Variants in PCBP3 observed in about 807,000 individuals in gnomAD.
PCBP3 encodes the protein poly(rC)-binding protein 3.
PCBP3 carries 25 observed loss-of-function variants against 52.7 expected under a neutral mutation model. That is an observed-to-expected ratio of 0.47 (90% CI 0.35 to 0.66). The LOEUF is 0.66. PCBP3 is among the 30% of genes least tolerant of loss of function. The pLI is 0.01. For synonymous variants in PCBP3, 162 were observed against 183.0 expected (o/e 0.89, Z 0.93); for missense variants, 391 against 490.3 (o/e 0.80, Z 1.91).
chr21:45,826,394 G>A (rs1487375072), intron 4 of PCBP3, among the ~76,000 whole-genome samples: 1 of 152,140 alleles, frequency 6.6e-6, no homozygotes, highest in Non-Finnish European at 1.5e-5. Context: ...TCCACATAAC[G>A]CAGGTGAATG....
intron 4 of PCBP3, among the ~76,000 whole-genome samples, chr21:45,815,818 G>C (rs2092918739): frequency 8.6e-6 from 1 of 115,676 alleles, no homozygotes; most frequent in Admixed American, 8.0e-5. Context: ...TGGTGAGTGA[G>C]TGGTGAGTGG....
chr21:45,764,382 A>G (rs2089074797), intron 4 of PCBP3, among the ~76,000 whole-genome samples: 1 of 152,200 alleles, frequency 6.6e-6, no homozygotes, highest in Non-Finnish European at 1.5e-5. Flanking sequence ...TCCGCCTCCC[A>G]AAGTGCTGGG....
Position 45,917,595 on chromosome 21 carries a change from C to G in PCBP3, c.683C>G (p.Thr228Arg). Residue 228 changes from threonine to arginine, a missense_variant, in exon 13 of 18, where the codon ACA becomes AGA. Thr to Arg is a moderately conservative substitution (Grantham distance 71). Coordinates refer to ENST00000681687, the MANE Select transcript of PCBP3 (RefSeq NM_001384156.1). The surrounding 1 kb of genome is among the most constrained non-coding windows in gnomAD (Gnocchi z 5.3). Reference sequence around the variant, plus strand: ...GTCTCTCTCTCTCTCTAGGCCTACACAATCCAGGGACAGTATGCCATCCCT... The same window carrying G: ...GTCTCTCTCTCTCTCTAGGCCTACAGAATCCAGGGACAGTATGCCATCCCT... ...PVIFAGGQAY[T>R]IQGQYAIPHP... 6.2e-7 allele frequency: 1 copy of G among 1,613,338 alleles called. No homozygotes were observed. The highest frequency in any genetic ancestry group is 8.5e-7 in the Non-Finnish European group (1 of 1,179,472).
At chr21:45,705,369 T>C (rs554426258) in intron 2 of PCBP3, among the ~76,000 whole-genome samples, 1 of 152,324 alleles carries the variant, frequency 6.6e-6, no homozygotes, top group East Asian at 1.9e-4. Flanking sequence ...AGACTGGAGA[T>C]GTGGGCACAG....
intron 2 of PCBP3, among the ~76,000 whole-genome samples, chr21:45,703,178 A>G (rs540300214): frequency 8.6e-4 from 131 of 152,384 alleles, no homozygotes; most frequent in African/African-American, 3.0e-3. Context: ...GTTGGAATCA[A>G]CTTCTTCCAA....
Position 45,917,118 on chromosome 21 carries a change from A to G in PCBP3, c.676-470A>G, listed in dbSNP as rs4819168. The G allele has an allele frequency of 0.47, 73,406 of 156,698 alleles. 19,367 individuals carry two copies. The highest frequency in any genetic ancestry group is 0.73 in the African/African-American group (30,202 of 41,490). 9.7% of individuals were successfully genotyped at this position (156,698 alleles called of 1,614,324 possible). A position where few individuals can be genotyped will look rare whatever the true frequency, so the allele number is the denominator to read the frequency against. On this transcript the variant is annotated intron_variant, in intron 12 of 17. Coordinates refer to ENST00000681687, the MANE Select transcript of PCBP3 (RefSeq NM_001384156.1). The surrounding 1 kb of genome is among the most constrained non-coding windows in gnomAD (Gnocchi z 5.3). ...AGCAAGCTGTGACTGACGTAGACCCACTTCCTACGTAGACTGGCTTTTGGT... is the reference window on the plus strand; with the variant it reads ...AGCAAGCTGTGACTGACGTAGACCCGCTTCCTACGTAGACTGGCTTTTGGT...
At chr21:45,936,001 G>A (rs1240162678) in intron 16 of PCBP3, among the ~76,000 whole-genome samples, 1 of 152,362 alleles carries the variant, frequency 6.6e-6, no homozygotes. Flanking sequence ...CAGAGTCCCT[G>A]TGTGGGCTGT....
chr21:45,665,326 T>G (rs1300519048), intron 1 of PCBP3, among the ~76,000 whole-genome samples: 1 of 152,108 alleles, frequency 6.6e-6, no homozygotes, highest in Non-Finnish European at 1.5e-5. Flanking sequence ...GAGAATCACT[T>G]GAGCTCAGGA....
chr21:45,669,803 G>GTATACA (rs1394969213), intron 2 of PCBP3, among the ~76,000 whole-genome samples: 69 of 54,382 alleles, frequency 1.3e-3, no homozygotes, highest in Admixed American at 2.8e-3. Context: ...GTGTGTGTGT[G>GTATACA]TGTATATATA....
intron 2 of PCBP3, among the ~76,000 whole-genome samples, chr21:45,693,997 A>G (rs1218614046): frequency 1.3e-5 from 2 of 152,174 alleles, no homozygotes; most frequent in African/African-American, 4.8e-5. Flanking sequence ...CTCTTCTGAG[A>G]TTTTTAAAGC....
rs1048389648 is a variant in PCBP3, at chr21:45,864,621, G to A, written c.10+14526G>A. ...GTTTGCAGTGTCTGTGTGGTGTGTC[G>A]ACCATCGCTGCCATGTTTAGTCACA... is the stretch of plus-strand genomic sequence containing the variant. On this transcript the variant is annotated intron_variant, in intron 5 of 17. Coordinates refer to ENST00000681687, the MANE Select transcript of PCBP3 (RefSeq NM_001384156.1). Among the ~76,000 whole-genome samples the A allele has an allele frequency of 4.6e-5, 7 of 152,254 alleles. No individual in the cohort carries two copies. The South Asian group carries it at 1.2e-3, about 27-fold the overall frequency.
In PCBP3 at chr21:45,649,493, TC is replaced by T. The variant is rs1371951332; in HGVS notation, c.-279+5626del. 7.2e-5 allele frequency among the ~76,000 whole-genome samples: 11 copies of T among 152,364 alleles called. No homozygotes were observed. The East Asian group carries it at 1.9e-3, about 27-fold the overall frequency. On this transcript the variant is annotated intron_variant, in intron 1 of 17. Transcript: ENST00000681687. Reference sequence around the variant, plus strand: ...ATCCAATTTTAAATTTTTTCCAAATTCATAACCAATTGTACCAGTATTGTTT... The same window carrying T: ...ATCCAATTTTAAATTTTTTCCAAATTATAACCAATTGTACCAGTATTGTTT...
In PCBP3 at chr21:45,904,141, G is replaced by A. The variant is rs573646504; in HGVS notation, c.339+3028G>A. Among the ~76,000 whole-genome samples the A allele has an allele frequency of 3.3e-5, 5 of 152,288 alleles. No individual in the cohort carries two copies. The highest frequency in any genetic ancestry group is 4.1e-4 in the South Asian group (2 of 4,824). On this transcript the variant is annotated intron_variant, in intron 9 of 17. Transcript: ENST00000681687. This position sits in a 1 kb window ranked among gnomAD's most constrained non-coding sequence, Gnocchi z 4.8. The stretch of plus-strand genomic sequence containing the variant: ...TAACCTACGCTATTACGTAGGTTAT[G>A]TAGGGCTGTGCTGAGTCCTCTACAG...
At chr21:45,703,656 G>T (rs2083269920) in intron 2 of PCBP3, among the ~76,000 whole-genome samples, 1 of 152,166 alleles carries the variant, frequency 6.6e-6, no homozygotes, top group African/African-American at 2.4e-5. Context: ...GCCTGTAAAA[G>T]GAGGATTGTG....
At chr21:45,789,035 G>T (rs968958595) in intron 4 of PCBP3, among the ~76,000 whole-genome samples, 1 of 152,224 alleles carries the variant, frequency 6.6e-6, no homozygotes, top group Non-Finnish European at 1.5e-5. Flanking sequence ...CCTGGGCTTA[G>T]AACACAGTGA....
Position 45,928,308 on chromosome 21 carries a change from G to A in PCBP3, c.718-1609G>A, listed in dbSNP as rs1191925015. Among the ~76,000 whole-genome samples, 1 of 152,204 alleles carries A rather than the reference G, an allele frequency of 6.6e-6. No homozygotes were observed. The highest frequency in any genetic ancestry group is 2.4e-5 in the African/African-American group (1 of 41,460). On this transcript the variant is annotated intron_variant, in intron 13 of 17. Transcript: ENST00000681687. This position sits in a 1 kb window ranked among gnomAD's most constrained non-coding sequence, Gnocchi z 4.1. ...CACACCCGTTCACGTTACATCATGG[G>A]GCAGCGCAGATGCCACAATGCCCTG...
intron 4 of PCBP3, among the ~76,000 whole-genome samples, chr21:45,771,120 T>C (rs1453823549): frequency 6.6e-6 from 1 of 152,272 alleles, no homozygotes; most frequent in East Asian, 1.9e-4. Flanking sequence ...GCCAGGGGTC[T>C]GCATTGCTGT....
At chr21:45,645,179 G>T (rs2079173317) in intron 1 of PCBP3, among the ~76,000 whole-genome samples, 1 of 152,052 alleles carries the variant, frequency 6.6e-6, no homozygotes, top group Non-Finnish European at 1.5e-5. Context: ...CAGAAAACAT[G>T]GGGCCTTAAA....
intron 5 of PCBP3, among the ~76,000 whole-genome samples, chr21:45,883,272 T>C (rs1461872540): frequency 6.6e-6 from 1 of 152,190 alleles, no homozygotes; most frequent in Non-Finnish European, 1.5e-5. Context: ...ACGGTTTCAA[T>C]TCTGTTAAAT....
Sources: allele counts gnomAD v4.1 joint callset (sites outside exome capture counted in the v4.1 genomes callset), GRCh38; gene constraint gnomAD v4.1.1; non-coding constraint Gnocchi (gnomAD v3.1); transcripts MANE v1.5; gene names NCBI Gene and HGNC (gene_info 2026-07-23, HGNC 2026-07-21).